The following SSH2 variants were observed in gnomAD, a reference collection of about 807,000 sequenced individuals.
The protein encoded by SSH2 is slingshot protein phosphatase 2.
A neutral mutation model predicts 135.2 loss-of-function variants in SSH2; 37 were observed. That is an observed-to-expected ratio of 0.27 (90% CI 0.21 to 0.36). The LOEUF (loss-of-function observed/expected upper bound fraction) is 0.36. SSH2 is among the 10% of genes least tolerant of loss of function. SSH2 has a pLI of 1.00. For missense variants in SSH2, 1,408 were observed against 1,765.3 expected (o/e 0.80, Z 3.63); for synonymous variants, 628 against 646.2 (o/e 0.97, Z 0.43).
intron 9 of SSH2, among the ~76,000 whole-genome samples, chr17:29,669,031 C>T (rs762574555): frequency 2.0e-4 from 30 of 152,086 alleles, no homozygotes; most frequent in Non-Finnish European, 2.9e-4. Context: ...GGTGGATCAC[C>T]TGAGGTTAAG....
chr17:29,714,502 G>A (rs1400327341), intron 3 of SSH2, among the ~76,000 whole-genome samples: 1 of 152,064 alleles, frequency 6.6e-6, no homozygotes, highest in Non-Finnish European at 1.5e-5. Flanking sequence ...TCTGTTCTTT[G>A]TTGCTGTTAC....
At chr17:29,878,287 C>T (rs1308681993) in intron 1 of SSH2, among the ~76,000 whole-genome samples, 5 of 151,928 alleles carry the variant, frequency 3.3e-5, no homozygotes, top group African/African-American at 4.8e-5. Flanking sequence ...ATTAGCCAGG[C>T]GTGGTGGTGC....
At chr17:29,690,793 A>G (rs986133573) in intron 5 of SSH2, among the ~76,000 whole-genome samples, 40 of 152,284 alleles carry the variant, frequency 2.6e-4, no homozygotes, top group African/African-American at 9.6e-4. Context: ...ATTAAAAACC[A>G]TGATTTATTT....
rs376017007 is a variant in SSH2, at chr17:29,631,576, G to C, written c.3618C>G (p.Ser1206=). 5 of 1,614,006 alleles carry C rather than the reference G, an allele frequency of 3.1e-6. No homozygotes were observed. Among genetic ancestry groups the C allele is most frequent in the East Asian group, 2.2e-5 (1 of 44,896 alleles). ...AACTTAGGTCTGCGCTACTTAGCTG[G>C]GAGTCCTTATATGGCACCTCACTGC... The part of the protein sequence containing the change: ...SSGSEVPYKD[S]QLSSADLSLI... The change falls in exon 16 of 16, where the codon TCC becomes TCG. Residue 1206 remains serine, a synonymous_variant. Transcript: ENST00000540801.
intron 2 of SSH2, among the ~76,000 whole-genome samples, chr17:29,823,539 GGTAC>G (rs2042690165): frequency 6.6e-6 from 1 of 151,892 alleles, no homozygotes; most frequent in South Asian, 2.1e-4. Context: ...CGAACTCCAG[GGTAC>G]CTCCCCCATG....
chr17:29,672,926 C>T (rs1224886713), intron 8 of SSH2, among the ~76,000 whole-genome samples: 2 of 151,998 alleles, frequency 1.3e-5, no homozygotes, highest in African/African-American at 4.8e-5. Context: ...AGGCTGGTCT[C>T]AAACTCCTGG....
intron 3 of SSH2, among the ~76,000 whole-genome samples, chr17:29,707,859 C>T (rs1044257981): frequency 7.9e-5 from 12 of 151,522 alleles, no homozygotes; most frequent in Admixed American, 2.0e-4. Flanking sequence ...ATAATAGGCG[C>T]GATACAGGCT....
intron 3 of SSH2, among the ~76,000 whole-genome samples, chr17:29,704,178 GTA>G (rs2039104981): frequency 1.3e-5 from 2 of 152,136 alleles, no homozygotes. Flanking sequence ...CAGATGTGAA[GTA>G]TGTTACAATA....
chr17:29,659,893 T>C (rs1185506918), intron 11 of SSH2, among the ~76,000 whole-genome samples: 2 of 151,820 alleles, frequency 1.3e-5, no homozygotes, highest in Non-Finnish European at 2.9e-5. Flanking sequence ...TGCAGTGACG[T>C]GATCTTGGCT....
intron 5 of SSH2, among the ~76,000 whole-genome samples, chr17:29,693,864 GTATTAGCT>G (rs965072068): frequency 1.3e-5 from 2 of 152,062 alleles, no homozygotes; most frequent in African/African-American, 4.8e-5. Flanking sequence ...TCTCTATTCT[GTATTAGCT>G]TCTGAGGAAT....
intron 3 of SSH2, among the ~76,000 whole-genome samples, chr17:29,743,040 T>C (rs1319907898): frequency 3.3e-5 from 5 of 152,130 alleles, no homozygotes; most frequent in African/African-American, 1.2e-4. Context: ...CAAGGGACTC[T>C]CATGCGTCAG....
At chr17:29,707,205 T>A (rs1354534821) in intron 3 of SSH2, 4 of 152,212 alleles carry the variant, frequency 2.6e-5, no homozygotes, top group African/African-American at 9.6e-5. Flanking sequence ...ACTGTTTTTT[T>A]ATAGATACAT....
intron 7 of SSH2, among the ~76,000 whole-genome samples, chr17:29,677,211 T>C (rs1455435691): frequency 2.6e-5 from 4 of 151,174 alleles, no homozygotes; most frequent in Admixed American, 2.0e-4. Context: ...CTGACCCTGG[T>C]TTTATAAACT....
intron 2 of SSH2, among the ~76,000 whole-genome samples, chr17:29,798,411 C>T (rs1303586330): frequency 6.6e-6 from 1 of 152,114 alleles, no homozygotes; most frequent in Non-Finnish European, 1.5e-5. Context: ...CCCACCTCAG[C>T]CTCCCAAAGT....
At chr17:29,820,595 A>G (rs762233877) in intron 2 of SSH2, among the ~76,000 whole-genome samples, 10 of 152,348 alleles carry the variant, frequency 6.6e-5, no homozygotes, top group Admixed American at 3.3e-4. Flanking sequence ...CCCCATGTCT[A>G]AACTCTTATG....
intron 2 of SSH2, among the ~76,000 whole-genome samples, chr17:29,818,487 A>G (rs1434339490): frequency 6.6e-6 from 1 of 151,992 alleles, no homozygotes; most frequent in African/African-American, 2.4e-5. Flanking sequence ...TGACCTCATG[A>G]TCTGCCCGCC....
chr17:29,837,032 G>A (rs986498200), intron 2 of SSH2, among the ~76,000 whole-genome samples: 1 of 152,072 alleles, frequency 6.6e-6, no homozygotes, highest in African/African-American at 2.4e-5. Flanking sequence ...CGAGGAGGGC[G>A]GATCACTTGA....
chr17:29,719,506 C>G (rs1443438003), intron 3 of SSH2, among the ~76,000 whole-genome samples: 1 of 147,996 alleles, frequency 6.8e-6, no homozygotes, highest in Non-Finnish European at 1.5e-5. Flanking sequence ...CAGAGCAAGA[C>G]TCTGTCTCAA....
intron 9 of SSH2, 146 bp from the exon 10 acceptor site, chr17:29,667,369 C>T (rs963680338): frequency 1.3e-5 from 8 of 639,032 alleles, no homozygotes; most frequent in African/African-American, 3.7e-5. Context: ...CAACTTAGAG[C>T]GTGGGTCCCC....
Sources: allele counts gnomAD v4.1 joint callset (sites outside exome capture counted in the v4.1 genomes callset), GRCh38; gene constraint gnomAD v4.1.1; transcripts MANE v1.5; gene names NCBI Gene and HGNC (gene_info 2026-07-23, HGNC 2026-07-21).